Variants in CYP24A1 observed in about 807,000 individuals in gnomAD.
CYP24A1 encodes the protein cytochrome P450 family 24 subfamily A member 1.
A neutral mutation model predicts 62.4 loss-of-function variants in CYP24A1; 68 were observed. The observed-to-expected ratio is 1.09, with a 90% confidence interval of 0.90 to 1.33. The LOEUF is 1.33. Ranked by LOEUF, CYP24A1 falls within the 40% of genes most tolerant of loss-of-function variation. CYP24A1 has a pLI of 0.00. For synonymous variants in CYP24A1, 267 were observed against 253.0 expected (o/e 1.06, Z -0.52); for missense variants, 787 against 653.0 (o/e 1.21, Z -2.24).
At position 54,171,686 on chromosome 20, in the gene CYP24A1, G is replaced by A. The variant is rs2092694608; in HGVS notation, c.450-16C>T. 6.2e-7 allele frequency: 1 copy of A among 1,613,852 alleles called. No individual in the cohort carries two copies. Among genetic ancestry groups the A allele is most frequent in the Non-Finnish European group, 8.5e-7 (1 of 1,179,898 alleles). On this transcript the variant is annotated splice_polypyrimidine_tract_variant and intron_variant, in intron 2 of 11. Coordinates refer to ENST00000216862, the MANE Select transcript of CYP24A1 (RefSeq NM_000782.5). ...TTCCCCTTCCCTGTGAGAGAAGCAG[G>A]AATACATTTAGAGCACACTGAAAAG...
At chr20:54,170,053 G>A in intron 3 of CYP24A1, among the ~76,000 whole-genome samples, 1 of 152,114 alleles carries the variant, frequency 6.6e-6, no homozygotes, top group Non-Finnish European at 1.5e-5. Flanking sequence ...GCATCTCAAG[G>A]ATTGTGTTGC....
At chr20:54,161,334 C>T (rs2092649535) in intron 7 of CYP24A1, among the ~76,000 whole-genome samples, 1 of 152,140 alleles carries the variant, frequency 6.6e-6, no homozygotes, top group Non-Finnish European at 1.5e-5. Context: ...CTTTAATCAT[C>T]TCCATCTCTC....
chr20:54,171,916 A>G (rs957217707), intron 2 of CYP24A1: 9 of 947,302 alleles, frequency 9.5e-6, no homozygotes, highest in Non-Finnish European at 1.2e-5. Context: ...AAAAAGTTGA[A>G]GTCCAGATAA....
At chr20:54,168,901 C>G (rs1477557171) in intron 4 of CYP24A1, among the ~76,000 whole-genome samples, 2 of 110,038 alleles carry the variant, frequency 1.8e-5, no homozygotes, top group Non-Finnish European at 3.9e-5. Flanking sequence ...CTTTCTCTGT[C>G]TCTCTCTCTT....
intron 3 of CYP24A1, among the ~76,000 whole-genome samples, 157 bp from the exon 4 acceptor site, chr20:54,169,845 G>A (rs2092688062): frequency 6.6e-6 from 1 of 152,098 alleles, no homozygotes; most frequent in African/African-American, 2.4e-5. Flanking sequence ...TATTCTCCCT[G>A]GGAACCCACC....
chr20:54,167,732 C>T lies in CYP24A1; in HGVS notation c.640+1860G>A, dbSNP rs532138083. 3.3e-5 allele frequency among the ~76,000 whole-genome samples: 5 copies of T among 152,140 alleles called. No individual in the cohort carries two copies. In the East Asian group the frequency reaches 5.8e-4, roughly 18 times the overall value. On this transcript the variant is annotated intron_variant, in intron 4 of 11. Coordinates refer to ENST00000216862, the MANE Select transcript of CYP24A1 (RefSeq NM_000782.5). ...AGGTTGCAGTGAGCCGAGATCACGC[C>T]GCTGCACTCCAGCCTGGGGCAGAGT...
chr20:54,153,370 A>T (rs1049178194), downstream of CYP24A1: 2 of 152,216 alleles, frequency 1.3e-5, no homozygotes, highest in Admixed American at 6.5e-5. Context: ...CATATGAGAA[A>T]ATTTTCTACC....
chr20:54,145,473 C>G, the CYP24A1 span, among the ~76,000 whole-genome samples: 1 of 151,984 alleles, frequency 6.6e-6, no homozygotes, highest in Non-Finnish European at 1.5e-5. Context: ...AACCCCATCT[C>G]TATTAAAAAT....
chr20:54,151,073 G>T (rs549490054), downstream of CYP24A1, among the ~76,000 whole-genome samples: 1 of 150,106 alleles, frequency 6.7e-6, no homozygotes, highest in South Asian at 2.1e-4. Context: ...AAGGAATAAA[G>T]AATAGCTACT....
chr20:54,152,459 C>A (rs1263471557), downstream of CYP24A1, among the ~76,000 whole-genome samples: 1 of 152,226 alleles, frequency 6.6e-6, no homozygotes, highest in Non-Finnish European at 1.5e-5. Context: ...TTGGGAATCA[C>A]AACCCTAATG....
At position 54,173,325 on chromosome 20, in the gene CYP24A1, G is replaced by T; in HGVS notation, c.255C>A (p.Thr85=). The T allele has an allele frequency of 6.2e-7, 1 of 1,608,574 alleles. No homozygotes were observed. Among genetic ancestry groups the T allele is most frequent in the Non-Finnish European group, 8.5e-7 (1 of 1,176,692 alleles). ...WKGGLKKQHD[T]LVEYHKKYGK... Reference sequence around the variant, plus strand: ...AGGGGCGCGAAAAGGGGTTTACCAGGGTGTCGTGCTGTTTCTTGAGACCCC... The same window carrying T: ...AGGGGCGCGAAAAGGGGTTTACCAGTGTGTCGTGCTGTTTCTTGAGACCCC... Residue 85 remains threonine (T), a synonymous_variant, in exon 1 of 12, where the codon ACC becomes ACA. Coordinates refer to ENST00000216862, the MANE Select transcript of CYP24A1 (RefSeq NM_000782.5). This position sits in a 1 kb window ranked among gnomAD's most constrained non-coding sequence, Gnocchi z 7.2.
At chr20:54,159,946 A>T (rs1031727257) in intron 7 of CYP24A1, among the ~76,000 whole-genome samples, 5 of 152,240 alleles carry the variant, frequency 3.3e-5, no homozygotes, top group Non-Finnish European at 5.9e-5. Flanking sequence ...GATATAAAAA[A>T]CATTCATATA....
chr20:54,170,926 A>C (rs1478892659), intron 3 of CYP24A1, among the ~76,000 whole-genome samples: 5 of 152,250 alleles, frequency 3.3e-5, no homozygotes, highest in African/African-American at 1.2e-4. Context: ...CGTGCTGGCT[A>C]AGGGATAATG....
At position 54,173,029 on chromosome 20, in the gene CYP24A1, C is replaced by T; in HGVS notation, c.329G>A (p.Gly110Asp). 6.2e-7 allele frequency: 1 copy of T among 1,610,080 alleles called. No individual in the cohort carries two copies. Reference protein sequence around the residue: ...KLGSFESVHLGSPCLLEALYR... With the variant: ...KLGSFESVHLDSPCLLEALYR... ...CAGCGCTTCCAGCAGGCATGGCGAG[C>T]CCAGGTGCACCGACTCAAAGGAACC... The change falls in exon 2 of 12, where the codon GGC becomes GAC. Residue 110 changes from glycine (G) to aspartate (D), a missense_variant. Physicochemically the swap from Gly to Asp is moderately conservative, Grantham distance 94 (BLOSUM62 -1). Transcript: ENST00000216862. The surrounding 1 kb of genome is among the most constrained non-coding windows in gnomAD (Gnocchi z 7.2).
rs2092687392 is a variant in CYP24A1, at chr20:54,169,691, TCAAAGAAAACAACCG to T, written c.544-18_544-4del. The T allele has an allele frequency of 6.2e-7, 1 of 1,613,860 alleles. No homozygotes were observed. Among genetic ancestry groups the T allele is most frequent in the Admixed American group, 1.7e-5 (1 of 59,988 alleles). On this transcript the variant is annotated splice_region_variant and splice_polypyrimidine_tract_variant and intron_variant, in intron 3 of 11. Transcript: ENST00000216862. The stretch of plus-strand genomic sequence containing the variant: ...CTGCCCATAAAATCGGCCAAGACCT[TCAAAGAAAACAACCG>T]CAAAAGACACATTTTAAAGCCGTTG...
the CYP24A1 span, among the ~76,000 whole-genome samples, chr20:54,148,367 C>T: frequency 1.7e-5 from 2 of 120,654 alleles, no homozygotes; most frequent in African/African-American, 6.3e-5. Flanking sequence ...CACAGACACA[C>T]AGACACACAC....
At chr20:54,171,008 T>C (rs2092691889) in intron 3 of CYP24A1, among the ~76,000 whole-genome samples, 1 of 152,214 alleles carries the variant, frequency 6.6e-6, no homozygotes, top group Admixed American at 6.5e-5. Context: ...AAGCCTCACA[T>C]CAGCTACACT....
chr20:54,161,401 C>G (rs2092649834), intron 7 of CYP24A1, among the ~76,000 whole-genome samples: 1 of 152,034 alleles, frequency 6.6e-6, no homozygotes, highest in Non-Finnish European at 1.5e-5. Flanking sequence ...CTAAAGTGAC[C>G]ACATTTGTTT....
At chr20:54,148,369 G>GACACACACACAC in the CYP24A1 span, among the ~76,000 whole-genome samples, 4,025 of 133,410 alleles carry the variant, frequency 0.03, 130 homozygotes, top group Non-Finnish European at 0.04. Context: ...CAGACACACA[G>GACACACACACAC]ACACACACAC....
Sources: allele counts gnomAD v4.1 joint callset (sites outside exome capture counted in the v4.1 genomes callset), GRCh38; gene constraint gnomAD v4.1.1; non-coding constraint Gnocchi (gnomAD v3.1); transcripts MANE v1.5; gene names NCBI Gene and HGNC (gene_info 2026-07-23, HGNC 2026-07-21).